ASTN2: variants seen among roughly 807,000 people sequenced by gnomAD.
ASTN2 encodes astrotactin-2.
Under a neutral mutation model 139.8 loss-of-function variants are expected in ASTN2, and 54 were observed. The observed-to-expected ratio is 0.39, with a 90% CI of 0.31 to 0.48. ASTN2 has a LOEUF of 0.48. Ranked by LOEUF, ASTN2 falls within the 20% of genes least tolerant of loss-of-function variation. ASTN2 has a pLI of 0.95. For synonymous variants in ASTN2, 756 were observed against 719.5 expected (o/e 1.05, Z -0.81); for missense variants, 1,565 against 1,725.1 (o/e 0.91, Z 1.64).
chr9:117,195,630 C>T (rs10818012), intron 3 of ASTN2, among the ~76,000 whole-genome samples: 90,868 of 151,916 alleles, frequency 0.6, 27,455 homozygotes, highest in Middle Eastern at 0.69. Context: ...GCTAGAGCCT[C>T]ATTGTGAAGA....
intron 6 of ASTN2, among the ~76,000 whole-genome samples, chr9:117,020,538 C>T (rs1227429630): frequency 6.6e-6 from 1 of 152,022 alleles, no homozygotes; most frequent in Non-Finnish European, 1.5e-5. Flanking sequence ...ATTTATCTTC[C>T]TTCCCTGGTC....
chr9:117,036,913 T>G (rs1434940543), intron 6 of ASTN2, among the ~76,000 whole-genome samples: 1 of 152,130 alleles, frequency 6.6e-6, no homozygotes, highest in Non-Finnish European at 1.5e-5. Context: ...CTGGGTACAT[T>G]TTAAAACTTC....
At chr9:117,224,652 A>G (rs915885350) in intron 2 of ASTN2, among the ~76,000 whole-genome samples, 7 of 152,238 alleles carry the variant, frequency 4.6e-5, no homozygotes, top group South Asian at 2.1e-4. Context: ...ATACATTCTT[A>G]TGACATCTTG....
chr9:117,095,737 T>C (rs918379660), intron 5 of ASTN2, among the ~76,000 whole-genome samples: 2 of 152,230 alleles, frequency 1.3e-5, no homozygotes, highest in Non-Finnish European at 2.9e-5. Flanking sequence ...CTTATTCTTA[T>C]TTTCATATTA....
At chr9:116,689,347 G>C (rs1860447254) in intron 16 of ASTN2, among the ~76,000 whole-genome samples, 1 of 152,204 alleles carries the variant, frequency 6.6e-6, no homozygotes, top group Non-Finnish European at 1.5e-5. Flanking sequence ...CAGAATTGTT[G>C]TGAGGATTTA....
chr9:117,145,406 C>T (rs1268854988), intron 3 of ASTN2, among the ~76,000 whole-genome samples: 1 of 152,222 alleles, frequency 6.6e-6, no homozygotes, highest in African/African-American at 2.4e-5. Flanking sequence ...GGCTGTGTCA[C>T]CCGCTCCTTG....
intron 5 of ASTN2, among the ~76,000 whole-genome samples, chr9:117,094,850 C>T (rs1023256805): frequency 6.6e-6 from 1 of 152,146 alleles, no homozygotes; most frequent in Non-Finnish European, 1.5e-5. Context: ...CATCCACAAC[C>T]CCATGAGGCA....
At chr9:117,340,730 C>T (rs1015201984) in intron 1 of ASTN2, among the ~76,000 whole-genome samples, 1 of 152,194 alleles carries the variant, frequency 6.6e-6, no homozygotes, top group Non-Finnish European at 1.5e-5. Flanking sequence ...CACCATGTTG[C>T]TCTTTTGACA....
chr9:116,425,713 C>T lies in ASTN2; in HGVS notation c.*138G>A, dbSNP rs1847284105. The T allele has an allele frequency of 6.2e-7, 1 of 1,606,690 alleles. No homozygotes were observed. Among genetic ancestry groups the T allele is most frequent in the South Asian group, 1.1e-5 (1 of 89,916 alleles). ...CACTATCCACAGGAGAAACCGTTTG[C>T]TTTGGCCTTGCTGGCAAGCTTCATC... On this transcript the variant is annotated 3_prime_UTR_variant, in exon 23 of 23. Coordinates refer to ENST00000313400, the MANE Select transcript of ASTN2 (RefSeq NM_001365068.1).
chr9:116,789,825 G>A (rs1367637648), intron 13 of ASTN2, among the ~76,000 whole-genome samples: 1 of 151,546 alleles, frequency 6.6e-6, no homozygotes, highest in Non-Finnish European at 1.5e-5. Flanking sequence ...TTTGGAGTAA[G>A]TGGTATCTCA....
At chr9:117,350,518 C>T (rs139791698) in intron 1 of ASTN2, among the ~76,000 whole-genome samples, 2,043 of 149,848 alleles carry the variant, frequency 0.014, 44 homozygotes, top group South Asian at 0.095. Flanking sequence ...TGTGCTACTA[C>T]GCTTCAGCCT....
At chr9:117,275,589 G>A (rs574746982) in intron 2 of ASTN2, among the ~76,000 whole-genome samples, 14 of 124,144 alleles carry the variant, frequency 1.1e-4, no homozygotes, top group Non-Finnish European at 1.6e-4. Context: ...TTTTTGAGAC[G>A]GAGTCTTACT....
chr9:116,439,355 T>C (rs983378619), intron 22 of ASTN2, among the ~76,000 whole-genome samples: 1 of 143,990 alleles, frequency 6.9e-6, no homozygotes, highest in Non-Finnish European at 1.5e-5. Flanking sequence ...CGCCCGCCAC[T>C]ACGCCCGGCT....
chr9:116,766,193 A>AC (rs1451874293), intron 13 of ASTN2, among the ~76,000 whole-genome samples: 23 of 151,724 alleles, frequency 1.5e-4, no homozygotes, highest in African/African-American at 5.6e-4. Flanking sequence ...AGAGACGACA[A>AC]CCCCCACTGG....
intron 19 of ASTN2, among the ~76,000 whole-genome samples, chr9:116,567,150 G>A (rs1365073145): frequency 6.6e-6 from 1 of 152,184 alleles, no homozygotes; most frequent in Non-Finnish European, 1.5e-5. Context: ...CTCTCTGTGG[G>A]AAGAGAGGAA....
chr9:117,212,598 C>T (rs866879293), intron 3 of ASTN2, among the ~76,000 whole-genome samples: 12 of 135,546 alleles, frequency 8.9e-5, no homozygotes, highest in African/African-American at 3.2e-4. Context: ...AACAAAAAAA[C>T]CCTCCAATCT....
chr9:117,138,648 G>A (rs1025543213), intron 4 of ASTN2, among the ~76,000 whole-genome samples: 6 of 152,186 alleles, frequency 3.9e-5, no homozygotes, highest in Non-Finnish European at 2.9e-5. Flanking sequence ...TGAATGCAAG[G>A]AGAGTATAGT....
At chr9:117,405,207 C>A (rs1830948106) in intron 1 of ASTN2, among the ~76,000 whole-genome samples, 1 of 152,182 alleles carries the variant, frequency 6.6e-6, no homozygotes, top group Non-Finnish European at 1.5e-5. Context: ...GTAAAAAAGT[C>A]TAGAGATGAA....
At chr9:116,516,948 C>T (rs1268086555) in intron 19 of ASTN2, among the ~76,000 whole-genome samples, 3 of 152,198 alleles carry the variant, frequency 2.0e-5, no homozygotes, top group Admixed American at 2.0e-4. Context: ...CCATTCCCCA[C>T]AGCAGCTACA....
Sources: allele counts gnomAD v4.1 joint callset (sites outside exome capture counted in the v4.1 genomes callset), GRCh38; gene constraint gnomAD v4.1.1; transcripts MANE v1.5; gene names NCBI Gene and HGNC (gene_info 2026-07-23, HGNC 2026-07-21).